SLC12A7: variants seen among roughly 807,000 people sequenced by gnomAD.
SLC12A7 encodes the protein solute carrier family 12 member 7.
In SLC12A7, 100 loss-of-function variants were observed where a neutral mutation model predicts 120.6. The observed-to-expected ratio is 0.83, with a 90% CI of 0.71 to 0.98. The LOEUF (loss-of-function observed/expected upper bound fraction) is 0.98, where lower values mean the gene tolerates loss of function less well. Among genes scored for constraint, SLC12A7 ranks in the 50% least tolerant of loss-of-function variants. The pLI is 0.00. For synonymous variants in SLC12A7, 760 were observed against 678.0 expected (o/e 1.12, Z -1.88); for missense variants, 1,373 against 1,548.1 (o/e 0.89, Z 1.90).
At chr5:1,078,315 G>A (rs959934084) in intron 11 of SLC12A7, among the ~76,000 whole-genome samples, 3 of 152,142 alleles carry the variant, frequency 2.0e-5, no homozygotes, top group Non-Finnish European at 2.9e-5. Flanking sequence ...GGGGCCTTGG[G>A]GCTGCCAGAC....
chr5:1,146,890 T>C, the SLC12A7 span, among the ~76,000 whole-genome samples: 1 of 152,248 alleles, frequency 6.6e-6, no homozygotes, highest in African/African-American at 2.4e-5. The surrounding 1 kb of genome is among the most constrained non-coding windows in gnomAD (Gnocchi z 6.5). Flanking sequence ...CCAATGTATA[T>C]CTTAAATGTC....
chr5:1,053,594 T>C, intron 22 of SLC12A7, 112 bp from the exon 23 acceptor site: 1 of 1,368,236 alleles, frequency 7.3e-7, no homozygotes. Flanking sequence ...AAGGGCTGTG[T>C]GAGTCAGGAT....
intron 21 of SLC12A7, among the ~76,000 whole-genome samples, chr5:1,059,549 G>A (rs112802700): frequency 0.012 from 1,844 of 152,290 alleles, 26 homozygotes; most frequent in East Asian, 0.042. Flanking sequence ...TGAGCATCCC[G>A]CTACCAGGTG....
chr5:1,058,360 C>T (rs1221384841), intron 21 of SLC12A7, among the ~76,000 whole-genome samples: 1 of 152,258 alleles, frequency 6.6e-6, no homozygotes, highest in Non-Finnish European at 1.5e-5. Flanking sequence ...GCCCTCCATG[C>T]TGTCGTGGCC....
At chr5:1,147,679 G>A in the SLC12A7 span, among the ~76,000 whole-genome samples, 5 of 152,086 alleles carry the variant, frequency 3.3e-5, no homozygotes, top group African/African-American at 7.2e-5. Flanking sequence ...ATTTCCCACC[G>A]AATCAATGTA....
the SLC12A7 span, among the ~76,000 whole-genome samples, chr5:1,123,578 C>G: frequency 6.6e-6 from 1 of 152,226 alleles, no homozygotes; most frequent in Non-Finnish European, 1.5e-5. Flanking sequence ...GGTAGCAGCT[C>G]AGCAAGGCAA....
intron 1 of SLC12A7, among the ~76,000 whole-genome samples, chr5:1,106,239 G>A (rs558946555): frequency 6.6e-6 from 1 of 152,330 alleles, no homozygotes; most frequent in East Asian, 1.9e-4. Flanking sequence ...GACCACTAGA[G>A]GCCAGGAGTT....
chr5:1,091,653 C>T (rs547099349), intron 3 of SLC12A7, among the ~76,000 whole-genome samples: 1 of 152,318 alleles, frequency 6.6e-6, no homozygotes, highest in South Asian at 2.1e-4. Context: ...CGGCAATACC[C>T]AGTTCCACAG....
chr5:1,052,544 G>T, intron 23 of SLC12A7, 93 bp from the exon 24 acceptor site: 3 of 1,100,906 alleles, frequency 2.7e-6, no homozygotes, highest in Non-Finnish European at 2.7e-6. Context: ...CTCCTGGTTA[G>T]CTAAGATTTG....
intron 22 of SLC12A7, among the ~76,000 whole-genome samples, chr5:1,055,558 C>T (rs182495405): frequency 5.3e-5 from 8 of 152,212 alleles, no homozygotes; most frequent in African/African-American, 1.7e-4. Context: ...CCCAGACGCA[C>T]GCCACACATG....
At chr5:1,094,309 C>G (rs1337422172) in intron 1 of SLC12A7, 61 bp from the exon 2 acceptor site, 5 of 1,234,860 alleles carry the variant, frequency 4.0e-6, no homozygotes, top group Non-Finnish European at 6.0e-6. Context: ...GCACAGAAGG[C>G]CAACTACAGA....
intron 1 of SLC12A7, among the ~76,000 whole-genome samples, chr5:1,103,437 GCA>G (rs1742200253): frequency 6.6e-6 from 1 of 152,300 alleles, no homozygotes; most frequent in South Asian, 2.1e-4. Context: ...ACACTCACAT[GCA>G]CAGAGACATG....
chr5:1,138,608 C>T, the SLC12A7 span, among the ~76,000 whole-genome samples: 20 of 152,162 alleles, frequency 1.3e-4, no homozygotes, highest in African/African-American at 4.6e-4. Context: ...TAAACTGGGG[C>T]GACTTCAGCT....
chr5:1,093,456 C>T, intron 3 of SLC12A7, 77 bp downstream of exon 3: 2 of 1,341,244 alleles, frequency 1.5e-6, no homozygotes, highest in South Asian at 2.6e-5. Context: ...TGACAAGCAA[C>T]TGCCTTGCCG....
At chr5:1,114,830 T>C (rs1743252545), upstream of SLC12A7, among the ~76,000 whole-genome samples, 1 of 152,188 alleles carries the variant, frequency 6.6e-6, no homozygotes, top group Non-Finnish European at 1.5e-5. Context: ...GTGCTTGATG[T>C]CTGAATCGAC....
chr5:1,150,757 C>A, the SLC12A7 span, among the ~76,000 whole-genome samples: 2 of 152,258 alleles, frequency 1.3e-5, no homozygotes, highest in African/African-American at 2.4e-5. Context: ...AACACGACGG[C>A]CGAGCTCCAT....
chr5:1,057,050 G>C (rs1022354475), intron 22 of SLC12A7, among the ~76,000 whole-genome samples: 1 of 152,208 alleles, frequency 6.6e-6, no homozygotes, highest in South Asian at 2.1e-4. Flanking sequence ...CTGGCCGCAG[G>C]GCTGACTTCA....
At chr5:1,078,571 G>A (rs922210670) in intron 11 of SLC12A7, 130 bp downstream of exon 11, 4 of 748,484 alleles carry the variant, frequency 5.3e-6, no homozygotes. Flanking sequence ...CCAACCCTGG[G>A]ACCAGGACGC....
chr5:1,062,168 GGGCTGGGGGTGC>G (rs1736365251), intron 20 of SLC12A7, among the ~76,000 whole-genome samples: 1 of 152,172 alleles, frequency 6.6e-6, no homozygotes, highest in Admixed American at 6.5e-5. Context: ...CACCACGGAG[GGGCTGGGGGTGC>G]GGCTGGGGCC....
Sources: gnomAD v4.1 joint callset for allele counts (sites outside exome capture counted in the v4.1 genomes callset) on GRCh38, gnomAD v4.1.1 for gene constraint, Gnocchi (gnomAD v3.1) non-coding constraint, MANE v1.5 for transcripts, NCBI Gene and HGNC (gene_info 2026-07-23, HGNC 2026-07-21) for gene names.